CYYR1: variants seen among roughly 807,000 people sequenced by gnomAD.
The protein encoded by CYYR1 is cysteine and tyrosine-rich protein 1.
CYYR1 carries 14 observed loss-of-function variants against 15.2 expected under a neutral mutation model. The ratio of observed to expected loss-of-function variants is 0.92; its 90% CI spans 0.61 to 1.44. The LOEUF is 1.44. Ranked by LOEUF, CYYR1 falls within the 40% of genes most tolerant of loss-of-function variation. The pLI is 0.00. For synonymous variants in CYYR1, 80 were observed against 77.4 expected (o/e 1.03, Z -0.18); for missense variants, 228 against 209.5 (o/e 1.09, Z -0.54).
intron 2 of CYYR1, among the ~76,000 whole-genome samples, chr21:26,539,214 T>C (rs779243707): frequency 4.6e-5 from 7 of 152,184 alleles, no homozygotes; most frequent in Non-Finnish European, 8.8e-5. Flanking sequence ...AAATTCCTGC[T>C]GTAGGTCTTT....
chr21:26,569,434 C>T (rs1481286042), intron 1 of CYYR1, among the ~76,000 whole-genome samples: 1 of 152,050 alleles, frequency 6.6e-6, no homozygotes, highest in Non-Finnish European at 1.5e-5. Flanking sequence ...CTGGGGACTT[C>T]TAGAGCAGGG....
At chr21:26,563,122 A>T (rs62216530) in intron 2 of CYYR1, among the ~76,000 whole-genome samples, 6,995 of 152,232 alleles carry the variant, frequency 0.046, 201 homozygotes, top group South Asian at 0.057. Context: ...CTGTGACTAT[A>T]ATGACCAGAA....
intron 2 of CYYR1, among the ~76,000 whole-genome samples, chr21:26,560,609 A>G (rs1980130693): frequency 6.6e-6 from 1 of 152,132 alleles, no homozygotes; most frequent in African/African-American, 2.4e-5. Flanking sequence ...TTTTTCTTCT[A>G]TATCCCTAGT....
chr21:26,473,982 C>T (rs115158560), intron 3 of CYYR1, among the ~76,000 whole-genome samples: 4 of 151,520 alleles, frequency 2.6e-5, no homozygotes, highest in Non-Finnish European at 5.9e-5. Flanking sequence ...TATTCTTACT[C>T]TTTAAAACCT....
At chr21:26,500,127 T>C (rs577315378) in intron 2 of CYYR1, among the ~76,000 whole-genome samples, 21 of 152,274 alleles carry the variant, frequency 1.4e-4, no homozygotes, top group African/African-American at 4.6e-4. Context: ...GAAGAACCTT[T>C]GGTGGTTCTT....
At chr21:26,489,968 G>A (rs929468424) in intron 2 of CYYR1, among the ~76,000 whole-genome samples, 3 of 151,924 alleles carry the variant, frequency 2.0e-5, no homozygotes, top group Non-Finnish European at 4.4e-5. Context: ...AATTCTAACT[G>A]ACTACCACTA....
intron 2 of CYYR1, among the ~76,000 whole-genome samples, chr21:26,514,803 G>GC (rs1444942920): frequency 6.6e-6 from 1 of 152,202 alleles, no homozygotes; most frequent in East Asian, 1.9e-4. Context: ...GCAGCATTAT[G>GC]CCCATTTAAC....
intron 2 of CYYR1, 105 bp from the exon 3 acceptor site, chr21:26,480,534 C>T: frequency 6.6e-6 from 8 of 1,205,044 alleles, no homozygotes; most frequent in South Asian, 1.8e-5. Context: ...TACAAATGTT[C>T]TTAAGGATAA....
chr21:26,556,322 C>T (rs941422213), intron 2 of CYYR1, among the ~76,000 whole-genome samples: 8 of 152,104 alleles, frequency 5.3e-5, no homozygotes, highest in Admixed American at 5.2e-4. Context: ...ATTCTGGATC[C>T]TTCAATCTAT....
chr21:26,495,967 A>G (rs566086476), intron 2 of CYYR1, among the ~76,000 whole-genome samples: 1 of 152,278 alleles, frequency 6.6e-6, no homozygotes, highest in South Asian at 2.1e-4. Flanking sequence ...ATTTAGCTGA[A>G]TGTGCAGAGC....
chr21:26,561,840 AC>A (rs1980225972), intron 2 of CYYR1, among the ~76,000 whole-genome samples: 2 of 152,220 alleles, frequency 1.3e-5, no homozygotes, highest in African/African-American at 4.8e-5. Flanking sequence ...AAAAGAGAAT[AC>A]CTTCATTTTC....
chr21:26,573,112 G>A lies in CYYR1; in HGVS notation c.-172C>T, dbSNP rs751595053. ...GGGAGCCCGGGCCGGGCGCGTCCCG[G>A]GCCAGCGACTGCGGGACTCCGCGGA... On this transcript the variant is annotated 5_prime_UTR_variant, in exon 1 of 4. Transcript: ENST00000652641. 6.6e-7 allele frequency: 1 copy of A among 1,514,150 alleles called. No individual in the cohort carries two copies. Among genetic ancestry groups the A allele is most frequent in the Non-Finnish European group, 8.8e-7 (1 of 1,135,898 alleles). 93.8% of individuals were successfully genotyped at this position (1,514,150 alleles called of 1,614,324 possible).
intron 2 of CYYR1, among the ~76,000 whole-genome samples, chr21:26,546,997 A>G (rs2123670856): frequency 6.6e-6 from 1 of 152,214 alleles, no homozygotes; most frequent in Non-Finnish European, 1.5e-5. Context: ...GCACAGGAGG[A>G]AGTGCAACTT....
At chr21:26,524,098 A>T (rs1321485513) in intron 2 of CYYR1, among the ~76,000 whole-genome samples, 1 of 152,160 alleles carries the variant, frequency 6.6e-6, no homozygotes, top group Non-Finnish European at 1.5e-5. Context: ...TATATATTTC[A>T]TTTGTAGGTT....
At chr21:26,529,782 A>G (rs2065908659) in intron 2 of CYYR1, among the ~76,000 whole-genome samples, 1 of 152,208 alleles carries the variant, frequency 6.6e-6, no homozygotes, top group Non-Finnish European at 1.5e-5. Context: ...ATTGGATTTT[A>G]TCTTATTAAG....
chr21:26,573,033 C>G lies in CYYR1; in HGVS notation c.-93G>C, dbSNP rs755995987. 6.2e-7 allele frequency: 1 copy of G among 1,603,316 alleles called. No individual in the cohort carries two copies. Among genetic ancestry groups the G allele is most frequent in the Non-Finnish European group, 8.5e-7 (1 of 1,175,370 alleles). ...GGGCGATCAGATGGAGAGAGCAGCG[C>G]TCCTGAGAGCCGGGTGGAGCAGAGA... On this transcript the variant is annotated 5_prime_UTR_variant, in exon 1 of 4. Transcript: ENST00000652641.
chr21:26,544,136 C>T (rs915741791), intron 2 of CYYR1, among the ~76,000 whole-genome samples: 7 of 152,034 alleles, frequency 4.6e-5, no homozygotes, highest in African/African-American at 1.7e-4. Flanking sequence ...GATATTTTAC[C>T]GTTCTGAAGA....
chr21:26,501,208 C>T (rs530920426), intron 2 of CYYR1, among the ~76,000 whole-genome samples: 2 of 152,238 alleles, frequency 1.3e-5, no homozygotes, highest in South Asian at 2.1e-4. Flanking sequence ...CGTGGTGGCA[C>T]ATGCCTGCAA....
intron 2 of CYYR1, among the ~76,000 whole-genome samples, chr21:26,541,650 A>G (rs958452011): frequency 3.9e-5 from 6 of 152,226 alleles, no homozygotes; most frequent in African/African-American, 1.4e-4. Context: ...ATGAGATCAG[A>G]TAAAAATTCA....
Sources: allele counts gnomAD v4.1 joint callset (sites outside exome capture counted in the v4.1 genomes callset), GRCh38; gene constraint gnomAD v4.1.1; transcripts MANE v1.5; gene names NCBI Gene and HGNC (gene_info 2026-07-23, HGNC 2026-07-21).